KCNC3: variants seen among roughly 807,000 people sequenced by gnomAD.
The protein encoded by KCNC3 is potassium voltage-gated channel subfamily C member 3.
Under a neutral mutation model 43.9 loss-of-function variants are expected in KCNC3, and 22 were observed. The ratio of observed to expected loss-of-function variants is 0.50; its 90% CI spans 0.36 to 0.72. The LOEUF (loss-of-function observed/expected upper bound fraction) is 0.72. KCNC3 is among the 30% of genes least tolerant of loss of function. The pLI, the probability that KCNC3 is intolerant of heterozygous loss-of-function variation, is 0.00. For synonymous variants in KCNC3, 492 were observed against 488.0 expected (o/e 1.01, Z -0.11); for missense variants, 829 against 1,073.8 (o/e 0.77, Z 3.19).
intron 4 of KCNC3, among the ~76,000 whole-genome samples, chr19:50,317,495 T>C (rs2036972428): frequency 6.6e-6 from 1 of 152,118 alleles, no homozygotes; most frequent in South Asian, 2.1e-4. Flanking sequence ...GGCTGTTGAA[T>C]GAATGCATGA....
rs2037145644 is a variant in KCNC3, at chr19:50,328,999, G to C, written c.84C>G (p.Pro28=). The C allele has an allele frequency of 2.4e-6, 3 of 1,232,820 alleles. No homozygotes were observed. The highest frequency in any genetic ancestry group is 3.1e-6 in the Non-Finnish European group (3 of 967,816). 76.4% of individuals were successfully genotyped at this position (1,232,820 alleles called of 1,614,324 possible). The change falls in exon 1 of 5, where the codon CCC becomes CCG. Residue 28 remains proline (P), a synonymous_variant. Transcript: ENST00000477616. ...GCAGCGGTGGCGGCGGCGGGGACTC[G>C]GGCGGCTGCGGCGGTGGCGCCGGCT... ...KQQPAPPPQP[P]ESPPPPPLPP...
At chr19:50,319,698 C>T (rs73592154) in intron 4 of KCNC3, among the ~76,000 whole-genome samples, 1 of 152,014 alleles carries the variant, frequency 6.6e-6, no homozygotes, top group African/African-American at 2.4e-5. Flanking sequence ...CCATGACTTT[C>T]TAGGTCCGTG....
Position 50,328,938 on chromosome 19 carries a change from C to T in KCNC3, c.145G>A (p.Ala49Thr). Residue 49 changes from alanine to threonine, a missense_variant, in exon 1 of 5, where the codon GCC (alanine) becomes ACC (threonine). This residue lies in a region of KCNC3 where 129 missense variants were observed against 83.6 expected (regional missense o/e 1.54). Coordinates refer to ENST00000477616, the MANE Select transcript of KCNC3 (RefSeq NM_004977.3). Reference sequence around the variant, plus strand: ...GCCGGGGGGCCCGCCGGGGACGCGGCGGGGCCGGGCTGCGCAGGCTGCTGC... The same window carrying T: ...GCCGGGGGGCCCGCCGGGGACGCGGTGGGGCCGGGCTGCGCAGGCTGCTGC... ...QQQQPAQPGP[A>T]ASPAGPPAPR... 1.2e-6 allele frequency: 1 copy of T among 820,676 alleles called. No individual in the cohort carries two copies. Among genetic ancestry groups the T allele is most frequent in the East Asian group, 1.2e-4 (1 of 8,198 alleles). 50.8% of individuals were successfully genotyped at this position (820,676 alleles called of 1,614,324 possible).
chr19:50,320,810 G>A (rs574998218), intron 2 of KCNC3, 26 bp from the exon 3 acceptor site: 1 of 1,609,880 alleles, frequency 6.2e-7, no homozygotes, highest in African/African-American at 1.3e-5. Context: ...GTCAGACAGA[G>A]AGACAAAGGA....
chr19:50,316,780 G>A (rs1194015551), intron 4 of KCNC3, among the ~76,000 whole-genome samples: 1 of 151,532 alleles, frequency 6.6e-6, no homozygotes, highest in African/African-American at 2.4e-5. Flanking sequence ...TGTGGTAGGA[G>A]AGACTCTTGG....
chr19:50,329,116 C>T lies in KCNC3; in HGVS notation c.-34G>A, dbSNP rs1446728227. ...GGGCGGGGCGGGAGGGGCGGGGACG[C>T]AGGGGCGGGGACACGGGGGGAGAGA... On this transcript the variant is annotated 5_prime_UTR_variant, in exon 1 of 5. Coordinates refer to ENST00000477616, the MANE Select transcript of KCNC3 (RefSeq NM_004977.3). The T allele has an allele frequency of 1.1e-5, 1 of 92,220 alleles. No homozygotes were observed. 5.7% of individuals were successfully genotyped at this position (92,220 alleles called of 1,614,324 possible). A position where few individuals can be genotyped will look rare whatever the true frequency, so the allele number is the denominator to read the frequency against.
At chr19:50,318,858 C>T (rs1394985725) in intron 4 of KCNC3, among the ~76,000 whole-genome samples, 1 of 151,982 alleles carries the variant, frequency 6.6e-6, no homozygotes. Context: ...AGGAGGACTG[C>T]TTGAGCCCAG....
rs1244892958 is a variant in KCNC3 at position 50,328,691 on chromosome 19, C to T, written c.392G>A (p.Gly131Asp). Residue 131 changes from glycine to aspartate, a missense_variant, in exon 1 of 5, where the codon GGC becomes GAC. By Grantham distance (94) the Gly-to-Asp change is moderately conservative (BLOSUM62 -1). Around this residue, in one of 7 missense-constraint regions of KCNC3, gnomAD observed 121 missense variants for 247.4 expected, o/e 0.49. Coordinates refer to ENST00000477616, the MANE Select transcript of KCNC3 (RefSeq NM_004977.3). ...EAAARFDYDPGADEFFFDRHP... is the reference protein window; with the variant it reads ...EAAARFDYDPDADEFFFDRHP... The stretch of plus-strand genomic sequence containing the variant: ...CCGGTCAAAGAAGAACTCGTCGGCG[C>T]CCGGGTCGTAGTCGAAGCGTGCCGC... 6.2e-7 allele frequency: 1 copy of T among 1,605,408 alleles called. No individual in the cohort carries two copies. The highest frequency in any genetic ancestry group is 1.7e-5 in the Admixed American group (1 of 59,114).
At position 50,323,929 on chromosome 19, in the gene KCNC3, C is replaced by T. The variant is rs2037070066; in HGVS notation, c.1024G>A (p.Val342Met). 3 of 1,614,218 alleles carry T rather than the reference C, an allele frequency of 1.9e-6. No homozygotes were observed. Among genetic ancestry groups the T allele is most frequent in the Non-Finnish European group, 2.5e-6 (3 of 1,180,046 alleles). Residue 342 changes from valine (V) to methionine (M), a missense_variant, in exon 2 of 5, where the codon GTG becomes ATG. By Grantham distance (21) the Val-to-Met change is conservative. Coordinates refer to ENST00000477616, the MANE Select transcript of KCNC3 (RefSeq NM_004977.3). The part of the protein sequence containing the change: ...APPENITNVE[V>M]ETEPFLTYVE... Reference sequence around the variant, plus strand: ...TAGGTCAGGAAGGGCTCCGTCTCCACCTCCACGTTGGTGATGTTCTCCGGA... The same window carrying T: ...TAGGTCAGGAAGGGCTCCGTCTCCATCTCCACGTTGGTGATGTTCTCCGGA...
chr19:50,331,876 T>C, upstream of KCNC3, among the ~76,000 whole-genome samples: 1 of 152,094 alleles, frequency 6.6e-6, no homozygotes, highest in East Asian at 1.9e-4. Flanking sequence ...TTCCTTTTTC[T>C]CAGACCCCCC....
At chr19:50,320,498 G>T in intron 3 of KCNC3, 95 bp downstream of exon 3, 1 of 1,204,838 alleles carries the variant, frequency 8.3e-7, no homozygotes, top group Non-Finnish European at 1.2e-6. Context: ...GGGAAGGGAA[G>T]TCCACCGCCT....
Position 50,323,587 on chromosome 19 carries a change from C to T in KCNC3, c.1366G>A (p.Ala456Thr), listed in dbSNP as rs2123534692. 6.2e-7 allele frequency: 1 copy of T among 1,614,248 alleles called. No homozygotes were observed. The highest frequency in any genetic ancestry group is 1.7e-5 in the Admixed American group (1 of 60,036). The change falls in exon 2 of 5, where the codon GCC becomes ACC. Residue 456 changes from alanine to threonine, a missense_variant. Physicochemically the swap from Ala to Thr is moderately conservative, Grantham distance 58. This residue lies in a region of KCNC3 where 157 missense variants were observed against 293.5 expected (regional missense o/e 0.53). Coordinates refer to ENST00000477616, the MANE Select transcript of KCNC3 (RefSeq NM_004977.3). ...GTGGCGAAGATGAGCACCCCCAGGGCCAGGAAGATGATGAGCAGCAGGAAC... is the reference window on the plus strand; with the variant it reads ...GTGGCGAAGATGAGCACCCCCAGGGTCAGGAAGATGATGAGCAGCAGGAAC... ...NEFLLLIIFL[A>T]LGVLIFATMI...
chr19:50,332,556 A>G (rs555858286), upstream of KCNC3, among the ~76,000 whole-genome samples: 1 of 152,122 alleles, frequency 6.6e-6, no homozygotes, highest in South Asian at 2.1e-4. This position sits in a 1 kb window ranked among gnomAD's most constrained non-coding sequence, Gnocchi z 5.8. Context: ...ACCAGGGTCT[A>G]TGGGAGGATT....
Position 50,314,764 on chromosome 19 carries a change from A to T in KCNC3, c.*1351T>A, listed in dbSNP as rs536695405. 304 of 433,146 alleles carry T rather than the reference A, an allele frequency of 7.0e-4. 2 individuals are homozygous for T. The highest frequency in any genetic ancestry group is 4.0e-3 in the South Asian group (248 of 62,486). 26.8% of individuals were successfully genotyped at this position (433,146 alleles called of 1,614,324 possible). A position where few individuals can be genotyped will look rare whatever the true frequency, so the allele number is the denominator to read the frequency against. On this transcript the variant is annotated 3_prime_UTR_variant, in exon 5 of 5. Coordinates refer to ENST00000477616, the MANE Select transcript of KCNC3 (RefSeq NM_004977.3). The stretch of plus-strand genomic sequence containing the variant: ...TATTAATGACTTTTTGATTTTTTTT[A>T]AAAAAACCCTTTTCCCCACCCCCCA...
intron 3 of KCNC3, 24 bp downstream of exon 3, chr19:50,320,569 G>A: frequency 1.2e-6 from 2 of 1,602,950 alleles, no homozygotes; most frequent in South Asian, 1.1e-5. Context: ...GGGTCCCAGG[G>A]GATCAGTAGG....
intron 1 of KCNC3, among the ~76,000 whole-genome samples, chr19:50,326,676 C>T (rs2037110303): frequency 6.6e-6 from 1 of 152,162 alleles, no homozygotes; most frequent in Admixed American, 6.5e-5. Context: ...CCCCCTTTTC[C>T]ACCACATTCT....
intron 4 of KCNC3, among the ~76,000 whole-genome samples, chr19:50,318,991 CAA>C (rs11326559): frequency 0.011 from 756 of 71,402 alleles, no homozygotes; most frequent in Middle Eastern, 0.031. Flanking sequence ...AAGACAGTCT[CAA>C]AAAAAAAAAA....
At chr19:50,325,632 A>C (rs991121752) in intron 1 of KCNC3, among the ~76,000 whole-genome samples, 2 of 152,014 alleles carry the variant, frequency 1.3e-5, no homozygotes, top group African/African-American at 4.8e-5. Context: ...TTAAGAGGCC[A>C]GAGGCCTTCG....
In KCNC3 at chr19:50,312,799, A is replaced by G. The variant is rs1425743610; in HGVS notation, c.*3316T>C. The stretch of plus-strand genomic sequence containing the variant: ...GGGAAACGGGGGGGCTTGTTAAAGA[A>G]GTTGAACCCTTTGGCAATATAATCA... On this transcript the variant is annotated 3_prime_UTR_variant, in exon 5 of 5. Coordinates refer to ENST00000477616, the MANE Select transcript of KCNC3 (RefSeq NM_004977.3). 2 of 151,944 alleles carry G rather than the reference A, an allele frequency of 1.3e-5. No individual in the cohort carries two copies. The highest frequency in any genetic ancestry group is 4.8e-5 in the African/African-American group (2 of 41,348). 9.4% of individuals were successfully genotyped at this position (151,944 alleles called of 1,614,324 possible). A position where few individuals can be genotyped will look rare whatever the true frequency, so the allele number is the denominator to read the frequency against.
Sources: allele counts gnomAD v4.1 joint callset (sites outside exome capture counted in the v4.1 genomes callset), GRCh38; gene constraint gnomAD v4.1.1; regional missense constraint gnomAD v4.1.1; non-coding constraint Gnocchi (gnomAD v3.1); transcripts MANE v1.5; gene names NCBI Gene and HGNC (gene_info 2026-07-23, HGNC 2026-07-21).